PDE4B: variants seen among roughly 807,000 people sequenced by gnomAD.
PDE4B encodes phosphodiesterase 4B.
In PDE4B, 20 loss-of-function variants were observed where a neutral mutation model predicts 82.2. The observed-to-expected ratio is 0.24, with a 90% CI of 0.17 to 0.35. The LOEUF (loss-of-function observed/expected upper bound fraction) is 0.35. PDE4B is among the 10% of genes least tolerant of loss of function. PDE4B has a pLI of 1.00. For missense variants in PDE4B, 655 were observed against 907.2 expected (o/e 0.72, Z 3.57); for synonymous variants, 320 against 318.9 (o/e 1.00, Z -0.04).
chr1:66,258,671 G>A (rs988822927), intron 6 of PDE4B, among the ~76,000 whole-genome samples: 8 of 151,968 alleles, frequency 5.3e-5, no homozygotes, highest in Admixed American at 1.3e-4. Context: ...CCCTCCCCCC[G>A]CATAAGTTAG....
At chr1:65,948,169 T>A (rs1260097245) in intron 3 of PDE4B, among the ~76,000 whole-genome samples, 1 of 151,746 alleles carries the variant, frequency 6.6e-6, no homozygotes, top group East Asian at 1.9e-4. Context: ...CCATCCCAAT[T>A]GTACATTTGG....
intron 3 of PDE4B, among the ~76,000 whole-genome samples, chr1:66,220,951 G>A (rs1446679089): frequency 6.6e-6 from 1 of 152,216 alleles, no homozygotes; most frequent in Middle Eastern, 3.4e-3. Flanking sequence ...ATTAAAAGTA[G>A]CAGTAGCAAT....
chr1:65,889,763 C>T (rs1264618617), intron 1 of PDE4B, among the ~76,000 whole-genome samples: 2 of 152,138 alleles, frequency 1.3e-5, no homozygotes, highest in African/African-American at 4.8e-5. Context: ...ATGTGGTCTA[C>T]ATTGTACCTT....
intron 8 of PDE4B, among the ~76,000 whole-genome samples, chr1:66,339,785 T>G (rs1660820530): frequency 6.6e-6 from 1 of 152,122 alleles, no homozygotes; most frequent in South Asian, 2.1e-4. Context: ...TAGTCTCCAT[T>G]TTTTTAATAC....
rs1044588436 is a variant in PDE4B, at chr1:66,331,818, C to G, written c.635-690C>G. On this transcript the variant is annotated intron_variant, in intron 7 of 16. Coordinates refer to ENST00000341517, the MANE Select transcript of PDE4B (RefSeq NM_002600.4). ...GTTCACGTAAAACTCCAGACAGCTT[C>G]TTTTAGACTGGAGTCTTATCAGGGA... is the stretch of plus-strand genomic sequence containing the variant. The G allele has an allele frequency of 3.0e-6, 3 of 985,032 alleles. No homozygotes were observed. The African/African-American group carries it at 5.2e-5, about 17-fold the overall frequency. The allele number at this position is 985,032 out of a possible 1,614,324, so 61.0% of individuals were successfully genotyped here.
At chr1:65,826,578 G>A (rs554211669) in intron 1 of PDE4B, among the ~76,000 whole-genome samples, 1 of 152,114 alleles carries the variant, frequency 6.6e-6, no homozygotes, top group African/African-American at 2.4e-5. Flanking sequence ...GCCACTCTGA[G>A]ATTGCCCACA....
At chr1:65,999,208 T>C (rs1569930096) in intron 3 of PDE4B, among the ~76,000 whole-genome samples, 2 of 152,336 alleles carry the variant, frequency 1.3e-5, no homozygotes, top group East Asian at 1.9e-4. Flanking sequence ...CTTTCTGTTT[T>C]GTTATCTCTC....
chr1:66,208,435 G>A lies in PDE4B; in HGVS notation c.282-39025G>A, dbSNP rs567583157. 7.9e-5 allele frequency among the ~76,000 whole-genome samples: 12 copies of A among 152,328 alleles called. No homozygotes were observed. In the East Asian group the frequency reaches 2.1e-3, roughly 27 times the overall value. Reference sequence around the variant, plus strand: ...GTTCTAGCTACACCAGCCAGTTCTAGAGAGGTACCCATGGAGGTTTTGGAT... The same window carrying A: ...GTTCTAGCTACACCAGCCAGTTCTAAAGAGGTACCCATGGAGGTTTTGGAT... On this transcript the variant is annotated intron_variant, in intron 3 of 16. Transcript: ENST00000341517.
At chr1:65,908,746 G>A (rs921947599) in intron 1 of PDE4B, among the ~76,000 whole-genome samples, 2 of 152,070 alleles carry the variant, frequency 1.3e-5, no homozygotes, top group Admixed American at 6.6e-5. Flanking sequence ...CTTCTCCCCA[G>A]TGTGAAAGCT....
intron 3 of PDE4B, among the ~76,000 whole-genome samples, chr1:66,028,602 C>A (rs566642303): frequency 1.1e-4 from 17 of 152,250 alleles, no homozygotes; most frequent in Non-Finnish European, 2.9e-5. Flanking sequence ...GCTCTGCTTC[C>A]CTTATAAAAT....
At chr1:66,186,587 C>G (rs1328488928) in intron 3 of PDE4B, among the ~76,000 whole-genome samples, 1 of 152,164 alleles carries the variant, frequency 6.6e-6, no homozygotes, top group Admixed American at 6.5e-5. Context: ...ATTTTATTCT[C>G]TTTGAAGCAA....
At chr1:66,285,282 A>C (rs148722591) in intron 7 of PDE4B, among the ~76,000 whole-genome samples, 1 of 152,340 alleles carries the variant, frequency 6.6e-6, no homozygotes, top group African/African-American at 2.4e-5. Context: ...ATAGTCTTTC[A>C]ATATATGTTC....
chr1:66,156,771 C>T (rs755299661), intron 3 of PDE4B, among the ~76,000 whole-genome samples: 3 of 152,140 alleles, frequency 2.0e-5, no homozygotes, highest in South Asian at 2.1e-4. Context: ...GAATGCCCAT[C>T]GTGTCTATTC....
chr1:66,248,865 T>C (rs150610434), intron 4 of PDE4B, among the ~76,000 whole-genome samples: 446 of 152,356 alleles, frequency 2.9e-3, no homozygotes, highest in South Asian at 0.01. Context: ...CATGTTCTTA[T>C]GTTATCTCTG....
chr1:65,903,377 A>C (rs997564317), intron 1 of PDE4B, among the ~76,000 whole-genome samples: 8 of 151,914 alleles, frequency 5.3e-5, no homozygotes, highest in African/African-American at 1.9e-4. Flanking sequence ...TAGCCTGGGC[A>C]ATATGGCGAA....
At chr1:65,943,493 G>A (rs1489020408) in intron 3 of PDE4B, among the ~76,000 whole-genome samples, 1 of 151,830 alleles carries the variant, frequency 6.6e-6, no homozygotes, top group African/African-American at 2.4e-5. Context: ...GGAATTCTAT[G>A]GTTCCAAACA....
chr1:65,905,765 C>T (rs1360505538), intron 1 of PDE4B, among the ~76,000 whole-genome samples: 1 of 151,974 alleles, frequency 6.6e-6, no homozygotes, highest in African/African-American at 2.4e-5. Flanking sequence ...CTCATTTTTT[C>T]ACCTAATGAA....
intron 3 of PDE4B, among the ~76,000 whole-genome samples, chr1:65,982,793 C>G (rs1158701094): frequency 1.3e-5 from 2 of 152,132 alleles, no homozygotes; most frequent in African/African-American, 4.8e-5. Context: ...AACTATCTGG[C>G]TGGTTGATAA....
intron 3 of PDE4B, among the ~76,000 whole-genome samples, chr1:66,037,180 A>G (rs1654113665): frequency 6.6e-6 from 1 of 151,926 alleles, no homozygotes; most frequent in African/African-American, 2.4e-5. Flanking sequence ...AAAGAATGAC[A>G]TTGGGATTTT....
Sources: allele counts gnomAD v4.1 joint callset (sites outside exome capture counted in the v4.1 genomes callset), GRCh38; gene constraint gnomAD v4.1.1; transcripts MANE v1.5; gene names NCBI Gene and HGNC (gene_info 2026-07-23, HGNC 2026-07-21).